Variants in ERLIN2 observed in about 807,000 individuals in gnomAD.
ERLIN2 encodes erlin-2.
Under a neutral mutation model 41.5 loss-of-function variants are expected in ERLIN2, and 22 were observed. The ratio of observed to expected loss-of-function variants is 0.53; its 90% confidence interval spans 0.38 to 0.76. The LOEUF is 0.76. Ranked by LOEUF, ERLIN2 falls within the 30% of genes least tolerant of loss-of-function variation. The pLI, the probability that ERLIN2 is intolerant of heterozygous loss-of-function variation, is 0.00. For synonymous variants in ERLIN2, 149 were observed against 150.9 expected (o/e 0.99, Z 0.09); for missense variants, 247 against 414.3 (o/e 0.60, Z 3.51).
chr8:37,741,332 G>A lies in ERLIN2; in HGVS notation c.190-440G>A, dbSNP rs1802843603. On this transcript the variant is annotated intron_variant, in intron 3 of 11. Transcript: ENST00000519638. This position sits in a 1 kb window ranked among gnomAD's most constrained non-coding sequence, Gnocchi z 4.8. ...TTTATGACAGTATATTGTTATAATT[G>A]TTCTATTTTATTATTGTTGATCACT... is the stretch of plus-strand genomic sequence containing the variant. 6.6e-6 allele frequency among the ~76,000 whole-genome samples: 1 copy of A among 152,084 alleles called. No homozygotes were observed. The highest frequency in any genetic ancestry group is 1.5e-5 in the Non-Finnish European group (1 of 68,026).
In ERLIN2 at chr8:37,756,918, G is replaced by A. The variant is rs1803371149; in HGVS notation, c.*2803G>A. ...TTCTCACTCATTAAACTTTGCAGAAGTGATTCATATTCAGTACTGTTTTTA... is the reference window on the plus strand; with the variant it reads ...TTCTCACTCATTAAACTTTGCAGAAATGATTCATATTCAGTACTGTTTTTA... On this transcript the variant is annotated 3_prime_UTR_variant, in exon 12 of 12. Coordinates refer to ENST00000519638, the MANE Select transcript of ERLIN2 (RefSeq NM_007175.8). 6.6e-6 allele frequency: 1 copy of A among 152,464 alleles called. No individual in the cohort carries two copies. Among genetic ancestry groups the A allele is most frequent in the Non-Finnish European group, 1.5e-5 (1 of 68,022 alleles). The allele number at this position is 152,464 out of a possible 1,614,324, so 9.4% of individuals were successfully genotyped here.
At chr8:37,744,536 C>G in intron 5 of ERLIN2, 35 bp from the exon 6 acceptor site, 1 of 1,614,028 alleles carries the variant, frequency 6.2e-7, no homozygotes, top group Non-Finnish European at 8.5e-7. Context: ...TGAGTCTTGC[C>G]TTTTCTTATG....
At chr8:37,747,423 C>A (rs772872430) in intron 6 of ERLIN2, 208 of 1,608,612 alleles carry the variant, frequency 1.3e-4, no homozygotes, top group Non-Finnish European at 1.7e-4. Flanking sequence ...GCCTCTTGCT[C>A]ATGCCTTTGC....
chr8:37,753,845 G>T lies in ERLIN2; in HGVS notation c.820-70G>T, dbSNP rs1299155683. ...GGGGCATAAATATAGGAAAATTGAAGGGGCACCACTCCCCTCCTTCTCTAA... is the reference window on the plus strand; with the variant it reads ...GGGGCATAAATATAGGAAAATTGAATGGGCACCACTCCCCTCCTTCTCTAA... On this transcript the variant is annotated intron_variant, in intron 11 of 11. Coordinates refer to ENST00000519638, the MANE Select transcript of ERLIN2 (RefSeq NM_007175.8). 5 of 1,355,560 alleles carry T rather than the reference G, an allele frequency of 3.7e-6. No homozygotes were observed. In the East Asian group the frequency reaches 9.2e-5, roughly 25 times the overall value. 84.0% of individuals were successfully genotyped at this position (1,355,560 alleles called of 1,614,324 possible).
Position 37,753,495 on chromosome 8 carries a change from G to A in ERLIN2, c.785G>A (p.Cys262Tyr). Residue 262 changes from cysteine to tyrosine, a missense_variant, in exon 11 of 12, where the codon TGC (cysteine) becomes TAC (tyrosine). Physicochemically the swap from Cys to Tyr is radical, Grantham distance 194 (BLOSUM62 -2). Transcript: ENST00000519638. ...AREKAKADAE[C>Y]YTAMKIAEAN... ...GAGAAGGCAAAGGCAGATGCTGAGT[G>A]CTACACTGCTATGAAAATAGCCGAA... The A allele has an allele frequency of 1.2e-6, 2 of 1,614,134 alleles. No homozygotes were observed. Among genetic ancestry groups the A allele is most frequent in the South Asian group, 1.1e-5 (1 of 91,076 alleles).
chr8:37,740,615 T>TA (rs1356708484), intron 3 of ERLIN2, 169 bp downstream of exon 3: 2 of 185,888 alleles, frequency 1.1e-5, no homozygotes, highest in Non-Finnish European at 2.1e-5. Context: ...TATACACACA[T>TA]ACACTATATA....
At chr8:37,753,600 T>G in intron 11 of ERLIN2, 71 bp downstream of exon 11, 1 of 1,404,560 alleles carries the variant, frequency 7.1e-7, no homozygotes, top group South Asian at 1.2e-5. Context: ...GAGTTTCCAG[T>G]GTTGAGCGCC....
In ERLIN2 at chr8:37,754,287, C is replaced by T. The variant is rs930011591; in HGVS notation, c.*172C>T. 11 of 663,326 alleles carry T rather than the reference C, an allele frequency of 1.7e-5. No individual in the cohort carries two copies. The African/African-American group carries it at 2.0e-4, about 12-fold the overall frequency. The allele number at this position is 663,326 out of a possible 1,614,324, so 41.1% of individuals were successfully genotyped here. On this transcript the variant is annotated 3_prime_UTR_variant, in exon 12 of 12. Transcript: ENST00000519638. ...CTTTCTAGGGAAAGGAGGGTGGGGA[C>T]TGATGATGGGGGGTTTTATTTCAGG...
chr8:37,744,482 TG>T lies in ERLIN2; in HGVS notation c.298+67del, dbSNP rs1802968071. 6.8e-6 allele frequency: 11 copies of T among 1,607,886 alleles called. No homozygotes were observed. The South Asian group carries it at 1.2e-4, about 18-fold the overall frequency. On this transcript the variant is annotated intron_variant, in intron 5 of 11. Coordinates refer to ENST00000519638, the MANE Select transcript of ERLIN2 (RefSeq NM_007175.8). Reference sequence around the variant, plus strand: ...CCCAGCATGCCACTCCCGTGTCTGTTGTAGCACCTTGGAAAAGGAGAGCTGC... The same window carrying T: ...CCCAGCATGCCACTCCCGTGTCTGTTTAGCACCTTGGAAAAGGAGAGCTGC...
chr8:37,745,134 G>A, intron 6 of ERLIN2: 1 of 509,526 alleles, frequency 2.0e-6, no homozygotes, highest in Non-Finnish European at 3.4e-6. Context: ...TAGTGGGGCT[G>A]AAACAGGAGC....
intron 3 of ERLIN2, chr8:37,740,700 A>C (rs186794649): frequency 2.6e-5 from 4 of 155,784 alleles, no homozygotes; most frequent in African/African-American, 9.6e-5. Context: ...TATGGAAAGA[A>C]AAGTCAGGGT....
chr8:37,752,830 C>A (rs956059120), intron 10 of ERLIN2, among the ~76,000 whole-genome samples: 1 of 152,180 alleles, frequency 6.6e-6, no homozygotes, highest in Non-Finnish European at 1.5e-5. Flanking sequence ...TTGGTCTGGA[C>A]CATGGCGTGT....
chr8:37,743,036 A>T (rs1802910149), intron 4 of ERLIN2, among the ~76,000 whole-genome samples: 1 of 152,222 alleles, frequency 6.6e-6, no homozygotes, highest in Non-Finnish European at 1.5e-5. Flanking sequence ...GGATAGAGTG[A>T]CAAAGAATAC....
chr8:37,757,838 C>T lies in ERLIN2; in HGVS notation c.*3723C>T, dbSNP rs1803394333. 6.6e-6 allele frequency: 1 copy of T among 152,132 alleles called. No homozygotes were observed. The highest frequency in any genetic ancestry group is 2.1e-4 in the South Asian group (1 of 4,830). 9.4% of individuals were successfully genotyped at this position (152,132 alleles called of 1,614,324 possible). ...AACGTGGCATAATTCTTGGTAGGTGCTATAGAGATTTATCATTTTAAACAG... is the reference window on the plus strand; with the variant it reads ...AACGTGGCATAATTCTTGGTAGGTGTTATAGAGATTTATCATTTTAAACAG... On this transcript the variant is annotated 3_prime_UTR_variant, in exon 12 of 12. Coordinates refer to ENST00000519638, the MANE Select transcript of ERLIN2 (RefSeq NM_007175.8).
intron 6 of ERLIN2, chr8:37,747,398 C>T (rs913423887): frequency 6.4e-7 from 1 of 1,566,494 alleles, no homozygotes; most frequent in African/African-American, 1.4e-5. Flanking sequence ...TCCCATTCAG[C>T]CAGCTCTTGC....
At chr8:37,739,631 C>T (rs748112295) in intron 2 of ERLIN2, among the ~76,000 whole-genome samples, 9 of 151,942 alleles carry the variant, frequency 5.9e-5, no homozygotes, top group African/African-American at 1.5e-4. Context: ...CCTGCCACCA[C>T]GCCTGGCTAA....
chr8:37,748,462 T>G (rs1360148974), intron 6 of ERLIN2, among the ~76,000 whole-genome samples: 1 of 152,186 alleles, frequency 6.6e-6, no homozygotes, highest in Non-Finnish European at 1.5e-5. Flanking sequence ...TGTGGAAACG[T>G]TACCGTCCCT....
chr8:37,748,016 G>A, intron 6 of ERLIN2: 1 of 1,608,896 alleles, frequency 6.2e-7, no homozygotes, highest in Non-Finnish European at 8.5e-7. Flanking sequence ...GTTTCCAGGA[G>A]CAACCTGAAA....
Position 37,737,993 on chromosome 8 carries a change from A to T in ERLIN2, c.71A>T (p.His24Leu). ...TGTGCATCTCTCTTCTCAGCTGTGC[A>T]CAAGATAGAAGAGGGACATATTGGG... ...FFCASLFSAVHKIEEGHIGVY... is the reference protein window; with the variant it reads ...FFCASLFSAVLKIEEGHIGVY... Residue 24 changes from histidine to leucine, a missense_variant, in exon 2 of 12, where the codon CAC becomes CTC. This residue lies in a region of ERLIN2 where 93 missense variants were observed against 139.0 expected (regional missense o/e 0.67). Coordinates refer to ENST00000519638, the MANE Select transcript of ERLIN2 (RefSeq NM_007175.8). 6.2e-7 allele frequency: 1 copy of T among 1,614,174 alleles called. No individual in the cohort carries two copies. The highest frequency in any genetic ancestry group is 8.5e-7 in the Non-Finnish European group (1 of 1,180,028).
Sources: allele counts gnomAD v4.1 joint callset (sites outside exome capture counted in the v4.1 genomes callset), GRCh38; gene constraint gnomAD v4.1.1; regional missense constraint gnomAD v4.1.1; non-coding constraint Gnocchi (gnomAD v3.1); transcripts MANE v1.5; gene names NCBI Gene and HGNC (gene_info 2026-07-23, HGNC 2026-07-21).